ARHGAP24: variants seen among roughly 807,000 people sequenced by gnomAD.
The protein encoded by ARHGAP24 is Rho GTPase activating protein 24, also known as rho GTPase-activating protein 24.
ARHGAP24 carries 50 observed loss-of-function variants against 76.4 expected under a neutral mutation model. That is an observed-to-expected ratio of 0.65 (90% CI 0.52 to 0.83). The LOEUF (loss-of-function observed/expected upper bound fraction) is 0.83. ARHGAP24 is among the 40% of genes least tolerant of loss of function. ARHGAP24 has a pLI of 0.00. For missense variants in ARHGAP24, 930 were observed against 914.2 expected (o/e 1.02, Z -0.22); for synonymous variants, 345 against 323.3 (o/e 1.07, Z -0.72).
Position 85,601,251 on chromosome 4 carries a change from T to A in ARHGAP24, c.180+30530T>A, listed in dbSNP as rs902983531. Among the ~76,000 whole-genome samples the A allele has an allele frequency of 2.6e-5, 4 of 152,336 alleles. No homozygotes were observed. The South Asian group carries it at 8.3e-4, about 32-fold the overall frequency. On this transcript the variant is annotated intron_variant, in intron 2 of 9. Transcript: ENST00000395184. ...GTAATCTTAGGAACTTAGAGTTCTT[T>A]CTGTATAATAGGTGCTCAATAAATA...
intron 2 of ARHGAP24, among the ~76,000 whole-genome samples, chr4:85,592,496 A>G (rs1253353399): frequency 6.6e-6 from 1 of 152,054 alleles, no homozygotes; most frequent in Non-Finnish European, 1.5e-5. Flanking sequence ...ATCTAATTAT[A>G]CTCTTTTAGT....
intron 5 of ARHGAP24, among the ~76,000 whole-genome samples, chr4:85,969,972 C>G (rs916044252): frequency 1.3e-5 from 2 of 152,114 alleles, no homozygotes; most frequent in East Asian, 3.8e-4. Context: ...ATTTAATTAT[C>G]AAGAAAATAA....
chr4:85,842,544 C>T lies in ARHGAP24; in HGVS notation c.269-81104C>T, dbSNP rs553337216. Among the ~76,000 whole-genome samples, 41 of 152,258 alleles carry T rather than the reference C, an allele frequency of 2.7e-4. No individual in the cohort carries two copies. The South Asian group carries it at 6.4e-3, about 24-fold the overall frequency. On this transcript the variant is annotated intron_variant, in intron 3 of 9. Transcript: ENST00000395184. ...AAAACATTACAAAAGTGCCACTTTA[C>T]CTCAATCTGGACTCATAAAATGAGG...
intron 7 of ARHGAP24, among the ~76,000 whole-genome samples, chr4:85,976,876 G>T (rs556972626): frequency 6.7e-6 from 1 of 150,198 alleles, no homozygotes; most frequent in African/African-American, 2.5e-5. Context: ...TCCGCCTCCC[G>T]AGTTCAAGCG....
chr4:85,583,969 T>A (rs1199670666), intron 2 of ARHGAP24, among the ~76,000 whole-genome samples: 2 of 149,952 alleles, frequency 1.3e-5, no homozygotes, highest in Admixed American at 6.7e-5. Context: ...TGTGCAGAAA[T>A]AGGAACACTT....
chr4:85,736,241 A>G (rs939894683), intron 3 of ARHGAP24, among the ~76,000 whole-genome samples: 3 of 152,240 alleles, frequency 2.0e-5, no homozygotes, highest in African/African-American at 7.2e-5. Flanking sequence ...TTTCTTATAG[A>G]AATAATGTCT....
At chr4:85,915,882 C>A (rs10026288) in intron 3 of ARHGAP24, among the ~76,000 whole-genome samples, 7 of 152,028 alleles carry the variant, frequency 4.6e-5, no homozygotes, top group Admixed American at 4.6e-4. Flanking sequence ...AGTAAACATA[C>A]GTGTGCATGT....
intron 2 of ARHGAP24, among the ~76,000 whole-genome samples, chr4:85,675,768 T>C (rs994089272): frequency 6.6e-6 from 1 of 152,252 alleles, no homozygotes; most frequent in African/African-American, 2.4e-5. Flanking sequence ...CTCATCTCAT[T>C]TGACAAAGCA....
chr4:85,722,104 G>A (rs760027445), intron 3 of ARHGAP24, 132 bp downstream of exon 3: 43 of 801,656 alleles, frequency 5.4e-5, no homozygotes, highest in Middle Eastern at 2.3e-4. Flanking sequence ...TAGTGTTGAC[G>A]CAGATAATGA....
At chr4:85,937,760 AG>A (rs1282178865) in intron 4 of ARHGAP24, among the ~76,000 whole-genome samples, 3 of 143,850 alleles carry the variant, frequency 2.1e-5, no homozygotes, top group East Asian at 4.1e-4. Flanking sequence ...CCAACTAGGA[AG>A]TTATTGGTGA....
At chr4:85,497,077 A>G (rs1252649288) in intron 1 of ARHGAP24, among the ~76,000 whole-genome samples, 2 of 152,242 alleles carry the variant, frequency 1.3e-5, no homozygotes, top group African/African-American at 2.4e-5. Context: ...AGAGGAAGGA[A>G]TGGAATCAGG....
intron 2 of ARHGAP24, among the ~76,000 whole-genome samples, chr4:85,596,571 C>T (rs1309186107): frequency 2.6e-5 from 3 of 113,342 alleles, no homozygotes; most frequent in Admixed American, 2.5e-4. Context: ...TATGAAAAGG[C>T]AGTTAAAATC....
chr4:85,500,097 A>C (rs1723743910), intron 1 of ARHGAP24, among the ~76,000 whole-genome samples: 1 of 152,212 alleles, frequency 6.6e-6, no homozygotes. Context: ...TAAAATTTTC[A>C]CTAATATTTT....
chr4:85,873,621 C>T (rs1218000736), intron 3 of ARHGAP24, among the ~76,000 whole-genome samples: 3 of 152,098 alleles, frequency 2.0e-5, no homozygotes, highest in Non-Finnish European at 2.9e-5. Context: ...TGGGCAACCC[C>T]GTTCTTGTCT....
chr4:85,667,276 C>G (rs1337063529), intron 2 of ARHGAP24, among the ~76,000 whole-genome samples: 1 of 152,184 alleles, frequency 6.6e-6, no homozygotes, highest in Non-Finnish European at 1.5e-5. Context: ...ATCGGTGAGA[C>G]TCCATGGGCA....
At chr4:85,803,864 T>G (rs1169768991) in intron 3 of ARHGAP24, among the ~76,000 whole-genome samples, 2 of 152,190 alleles carry the variant, frequency 1.3e-5, no homozygotes, top group African/African-American at 4.8e-5. Flanking sequence ...CATAATAAAT[T>G]TCAAACACTT....
At chr4:85,726,696 T>C (rs1725181194) in intron 3 of ARHGAP24, among the ~76,000 whole-genome samples, 1 of 152,164 alleles carries the variant, frequency 6.6e-6, no homozygotes, top group South Asian at 2.1e-4. Context: ...CAGTATCCGT[T>C]ATAATGTCTG....
intron 3 of ARHGAP24, among the ~76,000 whole-genome samples, chr4:85,777,841 C>T (rs1727364923): frequency 6.6e-6 from 1 of 152,122 alleles, no homozygotes; most frequent in Non-Finnish European, 1.5e-5. Context: ...ATAAGCACAT[C>T]ACTCTTTCAG....
chr4:85,905,931 C>T (rs1208044823), intron 3 of ARHGAP24, among the ~76,000 whole-genome samples: 2 of 152,134 alleles, frequency 1.3e-5, no homozygotes, highest in Admixed American at 6.6e-5. Context: ...CCAATTAGTA[C>T]ACTGGACATC....
Sources: allele counts gnomAD v4.1 joint callset (sites outside exome capture counted in the v4.1 genomes callset), GRCh38; gene constraint gnomAD v4.1.1; transcripts MANE v1.5; gene names NCBI Gene and HGNC (gene_info 2026-07-23, HGNC 2026-07-21).